Variants in ZNF585B observed in about 807,000 individuals in gnomAD.
ZNF585B encodes the protein zinc finger protein 41-like protein.
In ZNF585B, 7 loss-of-function variants were observed where a neutral mutation model predicts 14.0. That is an observed-to-expected ratio of 0.50 (90% CI 0.28 to 0.94). The LOEUF (loss-of-function observed/expected upper bound fraction) is 0.94, where lower values mean the gene tolerates loss of function less well. Among genes scored for constraint, ZNF585B ranks in the 40% least tolerant of loss-of-function variants. ZNF585B has a pLI of 0.09. For synonymous variants in ZNF585B, 290 were observed against 317.3 expected (o/e 0.91, Z 0.91); for missense variants, 750 against 924.4 (o/e 0.81, Z 2.45).
In ZNF585B at chr19:37,185,608, A is replaced by G. The variant is rs756141993; in HGVS notation, c.1929T>C (p.Phe643=). Residue 643 remains phenylalanine, a synonymous_variant, in exon 5 of 5, where the codon TTT becomes TTC. Transcript: ENST00000532828. ...PYVCAECGKA[F]SGRSNLSKHQ... ...GCTTACTGAGATTTGACCTGCCACT[A>G]AAGGCTTTCCCACACTCGGCACACA... 3 of 1,613,920 alleles carry G rather than the reference A, an allele frequency of 1.9e-6. No homozygotes were observed. In the African/African-American group the frequency reaches 4.0e-5, roughly 22 times the overall value.
At chr19:37,198,332 C>T (rs1206350656) in intron 2 of ZNF585B, among the ~76,000 whole-genome samples, 4 of 151,808 alleles carry the variant, frequency 2.6e-5, no homozygotes, top group African/African-American at 7.3e-5. Flanking sequence ...CCACCATGCC[C>T]GGCTAATTTT....
intron 2 of ZNF585B, among the ~76,000 whole-genome samples, chr19:37,193,948 A>G (rs1410039762): frequency 6.6e-6 from 1 of 152,234 alleles, no homozygotes; most frequent in African/African-American, 2.4e-5. Flanking sequence ...AATTACTGTT[A>G]TTTTGTTGTA....
At chr19:37,198,971 G>A (rs1292873392) in intron 2 of ZNF585B, 2 of 1,525,106 alleles carry the variant, frequency 1.3e-6, no homozygotes, top group South Asian at 1.2e-5. Context: ...TGCATTCAGA[G>A]ATTACAGTTT....
intron 1 of ZNF585B, among the ~76,000 whole-genome samples, chr19:37,210,231 C>T (rs931628318): frequency 6.6e-6 from 1 of 152,074 alleles, no homozygotes; most frequent in Non-Finnish European, 1.5e-5. Context: ...CCTACAGGCC[C>T]TCAGTCACTG....
intron 2 of ZNF585B, among the ~76,000 whole-genome samples, chr19:37,203,826 C>T (rs1392858852): frequency 1.3e-5 from 2 of 152,116 alleles, no homozygotes; most frequent in African/African-American, 4.8e-5. Context: ...CAGGGTTTCA[C>T]TATGTTGGTC....
chr19:37,191,137 C>A (rs1599763856), intron 2 of ZNF585B, among the ~76,000 whole-genome samples: 1 of 152,044 alleles, frequency 6.6e-6, no homozygotes, highest in East Asian at 1.9e-4. Context: ...CATTTGTTAA[C>A]CTGATAAGGT....
rs1459404801 is a variant in ZNF585B, at chr19:37,185,040, G to A, written c.*187C>T. ...AATGACCCAAGGTTTACTGGGGATG[G>A]TGACAATGTAGGAAGGGTCCCTCGC... On this transcript the variant is annotated 3_prime_UTR_variant, in exon 5 of 5. Transcript: ENST00000532828. The A allele has an allele frequency of 1.8e-6, 1 of 545,518 alleles. No homozygotes were observed. Among genetic ancestry groups the A allele is most frequent in the African/African-American group, 1.9e-5 (1 of 53,110 alleles). 33.8% of individuals were successfully genotyped at this position (545,518 alleles called of 1,614,324 possible). A position where few individuals can be genotyped will look rare whatever the true frequency, so the allele number is the denominator to read the frequency against.
intron 1 of ZNF585B, among the ~76,000 whole-genome samples, chr19:37,208,454 G>GT (rs1568513195): frequency 6.6e-6 from 1 of 151,870 alleles, no homozygotes; most frequent in Non-Finnish European, 1.5e-5. Flanking sequence ...AAAAAAACAG[G>GT]TATTTCTGAT....
intron 2 of ZNF585B, among the ~76,000 whole-genome samples, chr19:37,197,877 G>A (rs1972486050): frequency 6.6e-6 from 1 of 152,110 alleles, no homozygotes; most frequent in Non-Finnish European, 1.5e-5. Context: ...ATGTTAACAG[G>A]GATGTAGAAG....
chr19:37,185,436 T>C lies in ZNF585B; in HGVS notation c.2101A>G (p.Lys701Glu), dbSNP rs775084373. The C allele has an allele frequency of 1.9e-6, 3 of 1,613,078 alleles. No individual in the cohort carries two copies. The highest frequency in any genetic ancestry group is 1.3e-5 in the African/African-American group (1 of 74,706). ...TGATGCACTTGGAGCTGTGATTTTT[T>C]AGTGAAAGACTTCCCACAGTCACTG... ...ECSDCGKSFT[K>E]KSQLQVHQRI... is the part of the protein sequence containing the mutation. Residue 701 changes from lysine to glutamate, a missense_variant, in exon 5 of 5, where the codon AAA becomes GAA. Physicochemically the swap from Lys to Glu is moderately conservative, Grantham distance 56. Coordinates refer to ENST00000532828, the MANE Select transcript of ZNF585B (RefSeq NM_152279.4).
chr19:37,190,570 GT>G (rs907695894), intron 2 of ZNF585B: 79 of 149,998 alleles, frequency 5.3e-4, no homozygotes, highest in African/African-American at 2.0e-3. Context: ...TTTTGTTTTT[GT>G]TTTTTTTCCT....
chr19:37,196,330 T>C (rs1394422166), intron 2 of ZNF585B, among the ~76,000 whole-genome samples: 3 of 152,154 alleles, frequency 2.0e-5, no homozygotes, highest in African/African-American at 7.2e-5. Flanking sequence ...GGATCTATAA[T>C]TATTTCAAAA....
chr19:37,184,436 GAA>G lies in ZNF585B; in HGVS notation c.*789_*790del, dbSNP rs1458066773. The G allele has an allele frequency of 1.6e-5, 1 of 62,264 alleles. No individual in the cohort carries two copies. Among genetic ancestry groups the G allele is most frequent in the Admixed American group, 2.0e-4 (1 of 4,968 alleles). The allele number at this position is 62,264 out of a possible 1,614,324, so 3.9% of individuals were successfully genotyped here. On this transcript the variant is annotated 3_prime_UTR_variant, in exon 5 of 5. Coordinates refer to ENST00000532828, the MANE Select transcript of ZNF585B (RefSeq NM_152279.4). ...AGAAAGAGAAAGAAAGAAAAAGAAA[GAA>G]AGAAGGAAAGAAAGAAAGAAAGAAA...
Position 37,191,796 on chromosome 19 carries a change from C to T in ZNF585B, c.73-1646G>A, listed in dbSNP as rs147043113. On this transcript the variant is annotated intron_variant, in intron 2 of 4. Coordinates refer to ENST00000532828, the MANE Select transcript of ZNF585B (RefSeq NM_152279.4). ...TGCCTGTAATCCCATCACTTTGGGA[C>T]GCCGAGGTAGGTGGATCACGAGGTC... 3.6e-4 allele frequency among the ~76,000 whole-genome samples: 54 copies of T among 151,920 alleles called. No homozygotes were observed. In the East Asian group the frequency reaches 9.9e-3, roughly 28 times the overall value.
At chr19:37,197,988 T>A (rs192683552) in intron 2 of ZNF585B, among the ~76,000 whole-genome samples, 150 of 152,208 alleles carry the variant, frequency 9.9e-4, no homozygotes, top group African/African-American at 3.5e-3. Context: ...TGTGTCACTA[T>A]GTACATTCTG....
In ZNF585B at chr19:37,186,767, AGT is replaced by A; in HGVS notation, c.768_769del (p.Leu257GlnfsTer17). 1 of 1,614,120 alleles carries A rather than the reference AGT, an allele frequency of 6.2e-7. No individual in the cohort carries two copies. The highest frequency in any genetic ancestry group is 8.5e-7 in the Non-Finnish European group (1 of 1,180,018). ...TGTATGGATTTTCTGATGAATCTTG[AGT>A]GTGGACTTTTGTGTGAACGCTTTGC... On this transcript the variant is annotated frameshift_variant, in exon 5 of 5. Coordinates refer to ENST00000532828, the MANE Select transcript of ZNF585B (RefSeq NM_152279.4). LOFTEE classifies it low-confidence loss of function (END_TRUNC).
intron 1 of ZNF585B, 73 bp from the exon 2 acceptor site, chr19:37,207,327 G>T (rs1972596870): frequency 1.7e-6 from 2 of 1,188,002 alleles, no homozygotes; most frequent in Non-Finnish European, 2.2e-6. Flanking sequence ...CAAGGTGCAG[G>T]TCCCTGCGCT....
intron 2 of ZNF585B, among the ~76,000 whole-genome samples, chr19:37,200,865 C>G (rs1022528266): frequency 6.6e-6 from 1 of 151,790 alleles, no homozygotes; most frequent in East Asian, 1.9e-4. Context: ...CTGAGGCAGG[C>G]GGATCACCTG....
At chr19:37,189,290 G>A (rs1427101503) in intron 4 of ZNF585B, among the ~76,000 whole-genome samples, 1 of 152,122 alleles carries the variant, frequency 6.6e-6, no homozygotes, top group Non-Finnish European at 1.5e-5. Flanking sequence ...AATAAAAGGG[G>A]TGTAGCACGA....
Sources: allele counts gnomAD v4.1 joint callset (sites outside exome capture counted in the v4.1 genomes callset), GRCh38; gene constraint gnomAD v4.1.1; transcripts MANE v1.5; gene names NCBI Gene and HGNC (gene_info 2026-07-23, HGNC 2026-07-21).